Variants in N4BP2 observed in about 807,000 individuals in gnomAD.
The protein encoded by N4BP2 is NEDD4 binding protein 2, also known as NEDD4-binding protein 2.
In N4BP2, 91 loss-of-function variants were observed where a neutral mutation model predicts 152.8. The observed-to-expected ratio is 0.60, with a 90% CI of 0.50 to 0.71. The LOEUF (loss-of-function observed/expected upper bound fraction) is 0.71, where lower values mean the gene tolerates loss of function less well. Ranked by LOEUF, N4BP2 falls within the 30% of genes least tolerant of loss-of-function variation. The pLI is 0.00. For missense variants in N4BP2, 1,923 were observed against 2,059.1 expected (o/e 0.93, Z 1.28); for synonymous variants, 646 against 705.3 (o/e 0.92, Z 1.33).
In N4BP2 at chr4:40,095,039, G is replaced by A. The variant is rs542547032; in HGVS notation, c.-114-2188G>A. On this transcript the variant is annotated intron_variant, in intron 2 of 17. Transcript: ENST00000261435. Reference sequence around the variant, plus strand: ...GTGATCCTCCTGCCCATTGTCCAACGTGCTGGGATTACAGTCGCGAGCCCC... The same window carrying A: ...GTGATCCTCCTGCCCATTGTCCAACATGCTGGGATTACAGTCGCGAGCCCC... 8.6e-5 allele frequency among the ~76,000 whole-genome samples: 13 copies of A among 151,864 alleles called. No individual in the cohort carries two copies. In the South Asian group the frequency reaches 2.5e-3, roughly 29 times the overall value.
At chr4:40,130,848 GCAAA>G (rs1192884921) in intron 12 of N4BP2, among the ~76,000 whole-genome samples, 2 of 152,032 alleles carry the variant, frequency 1.3e-5, no homozygotes, top group Non-Finnish European at 2.9e-5. Flanking sequence ...CATTTTTGTA[GCAAA>G]CAAAATTATT....
chr4:40,102,250 C>T lies in N4BP2; in HGVS notation c.405C>T (p.Asp135=), dbSNP rs1358885452. 2 of 1,613,760 alleles carry T rather than the reference C, an allele frequency of 1.2e-6. No homozygotes were observed. Among genetic ancestry groups the T allele is most frequent in the African/African-American group, 1.3e-5 (1 of 75,020 alleles). ...SEDSKMDSFL[D]MQLTEDLDSL... is the part of the protein sequence containing the mutation. ...ATTCAAAAATGGATTCATTTTTGGA[C>T]ATGCAGCTAACTGAAGACCTGGATT... The change falls in exon 4 of 18, where the codon GAC becomes GAT. Residue 135 remains aspartate, a synonymous_variant. Coordinates refer to ENST00000261435, the MANE Select transcript of N4BP2 (RefSeq NM_018177.6).
the N4BP2 span, among the ~76,000 whole-genome samples, chr4:40,185,439 T>G: frequency 6.6e-6 from 1 of 152,182 alleles, no homozygotes; most frequent in Non-Finnish European, 1.5e-5. Flanking sequence ...TTTCAAAGTA[T>G]TTTTAGAAAT....
At chr4:40,136,698 T>G (rs1719440036) in intron 13 of N4BP2, among the ~76,000 whole-genome samples, 1 of 152,022 alleles carries the variant, frequency 6.6e-6, no homozygotes, top group African/African-American at 2.4e-5. Context: ...GAATTACCAA[T>G]ATACTATCTT....
chr4:40,145,283 G>A (rs1305543018), intron 16 of N4BP2, among the ~76,000 whole-genome samples: 1 of 152,010 alleles, frequency 6.6e-6, no homozygotes, highest in Non-Finnish European at 1.5e-5. Flanking sequence ...GAGTGCAGTG[G>A]TGCCATCTCG....
At chr4:40,189,256 A>C in the N4BP2 span, among the ~76,000 whole-genome samples, 5 of 152,206 alleles carry the variant, frequency 3.3e-5, no homozygotes, top group Non-Finnish European at 7.3e-5. This position sits in a 1 kb window ranked among gnomAD's most constrained non-coding sequence, Gnocchi z 4.3. Flanking sequence ...GCGTCTTGAA[A>C]AAGCTCCTAC....
Position 40,144,795 on chromosome 4 carries a change from C to T in N4BP2, c.5138C>T (p.Thr1713Ile). 6.2e-7 allele frequency: 1 copy of T among 1,609,344 alleles called. No individual in the cohort carries two copies. The change falls in exon 16 of 18, where the codon ACT (threonine) becomes ATT (isoleucine). Residue 1713 changes from threonine (T) to isoleucine (I), a missense_variant. Coordinates refer to ENST00000261435, the MANE Select transcript of N4BP2 (RefSeq NM_018177.6). ...EHLMRVLEKK[T>I]EEFKQNGGKP... ...TTGATGAGAGTTTTAGAGAAGAAGACTGAAGGTAGGACTGTGGTAATCACA... is the reference window on the plus strand; with the variant it reads ...TTGATGAGAGTTTTAGAGAAGAAGATTGAAGGTAGGACTGTGGTAATCACA...
In N4BP2 at chr4:40,121,798, G is replaced by T. The variant is rs755937987; in HGVS notation, c.3687G>T (p.Lys1229Asn). The part of the protein sequence containing the change: ...SIFPSAAVGL[K>N]NNNDILPNSQ... The stretch of plus-strand genomic sequence containing the variant: ...TTCCCAGTGCTGCTGTGGGTCTAAA[G>T]AATAATAATGACATACTTCCTAACA... Residue 1229 changes from lysine (K) to asparagine (N), a missense_variant, in exon 9 of 18, where the codon AAG (lysine) becomes AAT (asparagine). Lys to Asn is a moderately conservative substitution (Grantham distance 94, BLOSUM62 0). Coordinates refer to ENST00000261435, the MANE Select transcript of N4BP2 (RefSeq NM_018177.6). The T allele has an allele frequency of 6.2e-7, 1 of 1,613,998 alleles. No homozygotes were observed. The highest frequency in any genetic ancestry group is 8.5e-7 in the Non-Finnish European group (1 of 1,180,006).
intron 16 of N4BP2, among the ~76,000 whole-genome samples, chr4:40,149,259 A>C (rs776109347): frequency 3.3e-5 from 5 of 152,252 alleles, no homozygotes; most frequent in Non-Finnish European, 7.3e-5. Context: ...AATGAAATTT[A>C]ATTTAGCCAT....
At chr4:40,124,805 A>G (rs1718246591) in intron 11 of N4BP2, among the ~76,000 whole-genome samples, 1 of 152,244 alleles carries the variant, frequency 6.6e-6, no homozygotes, top group Non-Finnish European at 1.5e-5. Context: ...TCTGCATGAA[A>G]GAAAACTTTT....
chr4:40,178,897 T>A, the N4BP2 span, among the ~76,000 whole-genome samples: 1 of 152,046 alleles, frequency 6.6e-6, no homozygotes, highest in Non-Finnish European at 1.5e-5. Context: ...CCTGGCTGAG[T>A]TTTTGCAGCT....
intron 16 of N4BP2, among the ~76,000 whole-genome samples, chr4:40,148,970 G>A (rs1720883282): frequency 6.6e-6 from 1 of 152,174 alleles, no homozygotes; most frequent in Non-Finnish European, 1.5e-5. Context: ...AAATGAAATG[G>A]AAAGTAATCA....
intron 2 of N4BP2, among the ~76,000 whole-genome samples, chr4:40,084,217 C>T (rs150401910): frequency 0.011 from 1,740 of 152,292 alleles, 34 homozygotes; most frequent in African/African-American, 0.039. Context: ...TCTCAAAGTA[C>T]TGGGATTACA....
At chr4:40,170,475 CG>C in the N4BP2 span, among the ~76,000 whole-genome samples, 1 of 152,038 alleles carries the variant, frequency 6.6e-6, no homozygotes, top group African/African-American at 2.4e-5. Context: ...AAAAATTAGC[CG>C]GGTGTGGTGG....
intron 1 of N4BP2, among the ~76,000 whole-genome samples, chr4:40,062,351 C>T (rs1226696812): frequency 1.3e-5 from 2 of 152,012 alleles, no homozygotes; most frequent in Non-Finnish European, 2.9e-5. Flanking sequence ...GAATCTGTTC[C>T]TTTTCCCTAT....
chr4:40,102,103 A>G lies in N4BP2; in HGVS notation c.258A>G (p.Glu86=), dbSNP rs1560592779. The G allele has an allele frequency of 1.2e-6, 2 of 1,605,682 alleles. No individual in the cohort carries two copies. The highest frequency in any genetic ancestry group is 1.7e-6 in the Non-Finnish European group (2 of 1,176,380). Residue 86 remains glutamate (E), a synonymous_variant, in exon 4 of 18, where the codon GAA becomes GAG. Transcript: ENST00000261435. ...AAAATGCTATGGATTGTCTATTAGAATTATCTGCCACTGATACCAAGATAG... is the reference window on the plus strand; with the variant it reads ...AAAATGCTATGGATTGTCTATTAGAGTTATCTGCCACTGATACCAAGATAG... ...KVENAMDCLL[E]LSATDTKIEE...
chr4:40,059,093 T>C (rs1051227655), intron 1 of N4BP2, among the ~76,000 whole-genome samples: 19 of 152,148 alleles, frequency 1.2e-4, no homozygotes, highest in African/African-American at 4.3e-4. Context: ...AGTGCTGGGA[T>C]TACAGGAGTG....
At position 40,120,788 on chromosome 4, in the gene N4BP2, C is replaced by G. The variant is rs749757133; in HGVS notation, c.2677C>G (p.Gln893Glu). Residue 893 changes from glutamine (Q) to glutamate (E), a missense_variant, in exon 9 of 18, where the codon CAG becomes GAG. By Grantham distance (29) the Gln-to-Glu change is conservative (BLOSUM62 2). Coordinates refer to ENST00000261435, the MANE Select transcript of N4BP2 (RefSeq NM_018177.6). ...GDWPSSDSLAQREHRSRMPKT... is the reference protein window; with the variant it reads ...GDWPSSDSLAEREHRSRMPKT... ...CTGGCCTTCATCTGATTCTTTAGCTCAGAGGGAACACAGATCAAGAATGCC... is the reference window on the plus strand; with the variant it reads ...CTGGCCTTCATCTGATTCTTTAGCTGAGAGGGAACACAGATCAAGAATGCC... The G allele has an allele frequency of 6.2e-7, 1 of 1,614,102 alleles. No homozygotes were observed. Among genetic ancestry groups the G allele is most frequent in the South Asian group, 1.1e-5 (1 of 91,078 alleles).
At chr4:40,151,670 T>G (rs1310151322) in intron 16 of N4BP2, among the ~76,000 whole-genome samples, 1 of 152,168 alleles carries the variant, frequency 6.6e-6, no homozygotes, top group Non-Finnish European at 1.5e-5. Context: ...CGTAAAAAGG[T>G]TTTACACTAT....
Sources: gnomAD v4.1 joint callset for allele counts (sites outside exome capture counted in the v4.1 genomes callset) on GRCh38, gnomAD v4.1.1 for gene constraint, Gnocchi (gnomAD v3.1) non-coding constraint, MANE v1.5 for transcripts, NCBI Gene and HGNC (gene_info 2026-07-23, HGNC 2026-07-21) for gene names.